SEC22A: variants seen among roughly 807,000 people sequenced by gnomAD.
SEC22A encodes SEC22 homolog A, vesicle trafficking protein.
SEC22A carries 22 observed loss-of-function variants against 35.3 expected under a neutral mutation model. The ratio of observed to expected loss-of-function variants is 0.62; its 90% CI spans 0.45 to 0.89. SEC22A has a LOEUF of 0.89. Ranked by LOEUF, SEC22A falls within the 40% of genes least tolerant of loss-of-function variation. SEC22A has a pLI of 0.00. For synonymous variants in SEC22A, 119 were observed against 129.5 expected (o/e 0.92, Z 0.55); for missense variants, 354 against 362.5 (o/e 0.98, Z 0.19).
chr3:123,224,242 T>C (rs538855399), intron 3 of SEC22A, among the ~76,000 whole-genome samples: 6 of 151,868 alleles, frequency 4.0e-5, no homozygotes, highest in Non-Finnish European at 8.8e-5. Flanking sequence ...GGGCAGTAGT[T>C]TGCTCAACTT....
At chr3:123,254,972 T>C (rs1373618474) in intron 5 of SEC22A, among the ~76,000 whole-genome samples, 3 of 151,666 alleles carry the variant, frequency 2.0e-5, no homozygotes, top group African/African-American at 7.3e-5. Flanking sequence ...CTATGAGTCT[T>C]AGTCTACTAT....
rs148421507 is a variant in SEC22A at position 123,227,880 on chromosome 3, C to G, written c.541+2583C>G. ...CAGAGAATTGCTTGAATCCAGGAGG[C>G]AGAGGTTGCAATGAGCTGAGATCGT... On this transcript the variant is annotated intron_variant, in intron 4 of 6. Coordinates refer to ENST00000492595, the MANE Select transcript of SEC22A (RefSeq NM_012430.5). Among the ~76,000 whole-genome samples the G allele has an allele frequency of 2.9e-4, 43 of 149,574 alleles. 1 individual carries two copies. In the East Asian group the frequency reaches 8.2e-3, roughly 28 times the overall value.
At chr3:123,238,756 C>G (rs1937472628) in intron 4 of SEC22A, among the ~76,000 whole-genome samples, 1 of 152,076 alleles carries the variant, frequency 6.6e-6, no homozygotes, top group Non-Finnish European at 1.5e-5. Flanking sequence ...TTTTGATCCT[C>G]TCCCCACAGT....
intron 1 of SEC22A, chr3:123,208,372 G>A (rs1022700477): frequency 3.3e-5 from 5 of 152,126 alleles, no homozygotes; most frequent in Non-Finnish European, 5.9e-5. Flanking sequence ...CTCAAGACAG[G>A]TATATATTTA....
At chr3:123,244,762 T>G (rs927633803) in intron 4 of SEC22A, among the ~76,000 whole-genome samples, 1 of 152,194 alleles carries the variant, frequency 6.6e-6, no homozygotes, top group Non-Finnish European at 1.5e-5. Flanking sequence ...AACTTAATTG[T>G]TAGGGCGTTT....
chr3:123,262,841 G>A (rs2108103122), intron 6 of SEC22A, among the ~76,000 whole-genome samples: 1 of 152,308 alleles, frequency 6.6e-6, no homozygotes, highest in Admixed American at 6.5e-5. Context: ...TATGGGTAAA[G>A]TTTTTCTAAT....
At chr3:123,227,947 GAA>G in intron 4 of SEC22A, among the ~76,000 whole-genome samples, 1 of 101,150 alleles carries the variant, frequency 9.9e-6, no homozygotes, top group African/African-American at 3.6e-5. Flanking sequence ...AGCTCCATCA[GAA>G]AAAAAAAAAA....
intron 4 of SEC22A, among the ~76,000 whole-genome samples, chr3:123,226,681 T>C (rs552002748): frequency 6.6e-6 from 1 of 152,242 alleles, no homozygotes; most frequent in South Asian, 2.1e-4. Context: ...CTCTTCACTT[T>C]GTTGTTTCCT....
intron 4 of SEC22A, among the ~76,000 whole-genome samples, chr3:123,226,882 T>A (rs1040098585): frequency 5.3e-5 from 8 of 152,206 alleles, no homozygotes; most frequent in African/African-American, 1.9e-4. Context: ...TTTGATTTGA[T>A]CTTTGTATAT....
chr3:123,220,239 A>G (rs924283323), intron 2 of SEC22A, among the ~76,000 whole-genome samples: 2 of 151,614 alleles, frequency 1.3e-5, no homozygotes, highest in Non-Finnish European at 2.9e-5. Flanking sequence ...TGGGTTCCAA[A>G]AACTTCAGTC....
intron 5 of SEC22A, among the ~76,000 whole-genome samples, chr3:123,255,298 CTT>C (rs931001217): frequency 9.2e-5 from 14 of 152,010 alleles, no homozygotes; most frequent in African/African-American, 3.1e-4. Flanking sequence ...TTGTTTCTCT[CTT>C]TCTCTTCCTA....
chr3:123,258,290 T>C (rs1001678842), intron 5 of SEC22A, among the ~76,000 whole-genome samples: 2 of 152,036 alleles, frequency 1.3e-5, no homozygotes, highest in African/African-American at 4.8e-5. Flanking sequence ...CATGAAAGGG[T>C]TGGCAGTAAT....
intron 4 of SEC22A, among the ~76,000 whole-genome samples, chr3:123,228,166 C>G (rs1034560344): frequency 2.6e-5 from 4 of 151,832 alleles, no homozygotes; most frequent in Admixed American, 2.6e-4. Context: ...CAATAACAAG[C>G]CCAGTTGGTC....
chr3:123,256,981 G>A (rs1489501112), intron 5 of SEC22A, among the ~76,000 whole-genome samples: 2 of 151,914 alleles, frequency 1.3e-5, no homozygotes, highest in East Asian at 1.9e-4. Flanking sequence ...GGATGGTCTC[G>A]ATATCCTGAC....
At chr3:123,259,493 A>G (rs1384633606) in intron 5 of SEC22A, 31 bp from the exon 6 acceptor site, 1 of 1,551,526 alleles carries the variant, frequency 6.4e-7, no homozygotes, top group Non-Finnish European at 8.9e-7. Flanking sequence ...CCCACCGGAA[A>G]CAAAAATAAT....
intron 5 of SEC22A, among the ~76,000 whole-genome samples, chr3:123,248,033 G>A (rs1274453419): frequency 3.3e-5 from 5 of 152,138 alleles, no homozygotes; most frequent in South Asian, 2.1e-4. Context: ...AACTTGGAGC[G>A]AACTAGGAAT....
At chr3:123,250,062 T>C (rs1369396388) in intron 5 of SEC22A, among the ~76,000 whole-genome samples, 1 of 152,164 alleles carries the variant, frequency 6.6e-6, no homozygotes, top group African/African-American at 2.4e-5. Context: ...CTAAAACTGC[T>C]CTTAAAAAGT....
Position 123,223,595 on chromosome 3 carries a change from G to T in SEC22A, c.219G>T (p.Leu73Phe). The T allele has an allele frequency of 6.2e-7, 1 of 1,613,678 alleles. No individual in the cohort carries two copies. Among genetic ancestry groups the T allele is most frequent in the Non-Finnish European group, 8.5e-7 (1 of 1,179,756 alleles). ...CTCTGGGAGTGAGCTACATGATGTTGTGCACTGAAAATTACCCAAATGTTC... is the reference window on the plus strand; with the variant it reads ...CTCTGGGAGTGAGCTACATGATGTTTTGCACTGAAAATTACCCAAATGTTC... Reference protein sequence around the residue: ...ISSLGVSYMMLCTENYPNVLA... With the variant: ...ISSLGVSYMMFCTENYPNVLA... Residue 73 changes from leucine to phenylalanine, a missense_variant, in exon 3 of 7, where the codon TTG becomes TTT. By Grantham distance (22) the Leu-to-Phe change is conservative. Transcript: ENST00000492595.
intron 4 of SEC22A, among the ~76,000 whole-genome samples, chr3:123,234,353 G>A (rs1243662459): frequency 2.0e-5 from 3 of 152,100 alleles, no homozygotes; most frequent in Non-Finnish European, 4.4e-5. Flanking sequence ...CAAAGTTGGA[G>A]GACTCACACT....
Sources: gnomAD v4.1 joint callset for allele counts (sites outside exome capture counted in the v4.1 genomes callset) on GRCh38, gnomAD v4.1.1 for gene constraint, MANE v1.5 for transcripts, NCBI Gene and HGNC (gene_info 2026-07-23, HGNC 2026-07-21) for gene names.